NRXN1: variants seen among roughly 807,000 people sequenced by gnomAD.
NRXN1 encodes neurexin 1.
In NRXN1, 39 loss-of-function variants were observed where a neutral mutation model predicts 150.9. That is an observed-to-expected ratio of 0.26 (90% confidence interval 0.20 to 0.34). The LOEUF is 0.34. NRXN1 is among the 10% of genes least tolerant of loss of function. NRXN1 has a pLI of 1.00. For synonymous variants in NRXN1, 924 were observed against 757.0 expected, an observed-to-expected ratio of 1.22 and a Z score of -3.62; for missense variants, 1,815 against 1,949.9, an observed-to-expected ratio of 0.93 and a Z score of 1.30.
At chr2:50,938,931 G>T (rs907352608) in intron 2 of NRXN1, among the ~76,000 whole-genome samples, 1 of 152,026 alleles carries the variant, frequency 6.6e-6, no homozygotes, top group Non-Finnish European at 1.5e-5. Flanking sequence ...AAATGTAGGG[G>T]CTGAGCGCGG....
intron 12 of NRXN1, among the ~76,000 whole-genome samples, chr2:50,519,131 C>T (rs1311693000): frequency 1.3e-5 from 2 of 151,792 alleles, no homozygotes; most frequent in East Asian, 3.9e-4. Flanking sequence ...AATGATTGTT[C>T]AAATGAAGGC....
rs114126029 is a variant in NRXN1, at chr2:50,400,234, T to C, written c.3364+65208A>G. 8.8e-3 allele frequency among the ~76,000 whole-genome samples: 1,338 copies of C among 152,260 alleles called. 19 individuals carry two copies. Among genetic ancestry groups the C allele is most frequent in the African/African-American group, 0.031 (1,271 of 41,562 alleles). ...AAGCGATGTCGAGTTTCCTTTATAC[T>C]GACATATTTCCCATATTCCAATATG... is the stretch of plus-strand genomic sequence containing the variant. On this transcript the variant is annotated intron_variant, in intron 17 of 22. Transcript: ENST00000401669.
chr2:50,586,553 C>T (rs1388326507), intron 8 of NRXN1, among the ~76,000 whole-genome samples: 1 of 150,646 alleles, frequency 6.6e-6, no homozygotes, highest in Non-Finnish European at 1.5e-5. Context: ...TGGTGCAAGC[C>T]TTATTCAATA....
At chr2:50,862,264 T>C (rs905759825) in intron 5 of NRXN1, among the ~76,000 whole-genome samples, 19 of 151,718 alleles carry the variant, frequency 1.3e-4, no homozygotes, top group African/African-American at 4.6e-4. Context: ...TCAGGGAAGC[T>C]AAGCTTTGCA....
intron 18 of NRXN1, among the ~76,000 whole-genome samples, chr2:50,212,113 CA>C (rs1179492282): frequency 6.6e-6 from 1 of 151,206 alleles, no homozygotes; most frequent in Non-Finnish European, 1.5e-5. Context: ...AATTTAAAAG[CA>C]TGGGATTCAC....
At chr2:50,631,219 C>G (rs1023593344) in intron 5 of NRXN1, 13 of 397,062 alleles carry the variant, frequency 3.3e-5, no homozygotes, top group African/African-American at 2.5e-4. Context: ...TTCTCTTGTT[C>G]TGCAGCGAGT....
chr2:50,421,017 TG>T, intron 17 of NRXN1, among the ~76,000 whole-genome samples: 1 of 141,360 alleles, frequency 7.1e-6, no homozygotes, highest in Non-Finnish European at 1.5e-5. Context: ...TGTGTGTGTG[TG>T]TTTCACATTG....
intron 17 of NRXN1, among the ~76,000 whole-genome samples, chr2:50,460,938 C>T (rs2088138681): frequency 2.0e-5 from 3 of 151,934 alleles, no homozygotes; most frequent in African/African-American, 7.2e-5. Flanking sequence ...CTAAGTGACA[C>T]CAGCAGCAAA....
intron 5 of NRXN1, among the ~76,000 whole-genome samples, chr2:50,799,784 T>C (rs752938547): frequency 6.6e-6 from 1 of 152,154 alleles, no homozygotes; most frequent in Non-Finnish European, 1.5e-5. Flanking sequence ...CATTTTTCAC[T>C]GGGCTGTAAC....
At chr2:50,880,112 A>G (rs1679206499) in intron 5 of NRXN1, among the ~76,000 whole-genome samples, 1 of 151,950 alleles carries the variant, frequency 6.6e-6, no homozygotes. Context: ...CTGCAGAAAC[A>G]TTTGCTTTGA....
chr2:50,695,727 T>C (rs140702562), intron 5 of NRXN1, among the ~76,000 whole-genome samples: 1 of 152,308 alleles, frequency 6.6e-6, no homozygotes, highest in African/African-American at 2.4e-5. Flanking sequence ...GAGTTGAAGA[T>C]AAATGGTTAG....
chr2:50,633,034 A>C (rs1682617062), intron 5 of NRXN1: 1 of 152,022 alleles, frequency 6.6e-6, no homozygotes, highest in Non-Finnish European at 1.5e-5. Context: ...AGGGTGTATA[A>C]CTCCTGGTAT....
At chr2:50,406,947 C>T (rs971269860) in intron 17 of NRXN1, among the ~76,000 whole-genome samples, 2 of 152,074 alleles carry the variant, frequency 1.3e-5, no homozygotes, top group African/African-American at 4.8e-5. Flanking sequence ...AACAGAAAAA[C>T]CTCAACTCAC....
intron 17 of NRXN1, among the ~76,000 whole-genome samples, chr2:50,429,810 T>A (rs2084803005): frequency 6.6e-6 from 1 of 152,122 alleles, no homozygotes; most frequent in Non-Finnish European, 1.5e-5. Context: ...ACTTCTATTG[T>A]GGGCATAATG....
At chr2:49,945,355 T>C (rs1261597390) in intron 21 of NRXN1, 1 of 152,072 alleles carries the variant, frequency 6.6e-6, no homozygotes, top group East Asian at 1.9e-4. Flanking sequence ...AACTCCCCTT[T>C]CATTCCTGGT....
intron 19 of NRXN1, among the ~76,000 whole-genome samples, chr2:50,060,585 T>C (rs1314699025): frequency 2.6e-5 from 4 of 152,040 alleles, no homozygotes; most frequent in Admixed American, 2.6e-4. Flanking sequence ...TTTGGCTGTG[T>C]CCCCACCCAA....
chr2:50,985,400 A>C (rs1697531332), intron 2 of NRXN1: 1 of 151,896 alleles, frequency 6.6e-6, no homozygotes, highest in Non-Finnish European at 1.5e-5. Flanking sequence ...ACCATAACGG[A>C]ATCAGACTTA....
intron 17 of NRXN1, chr2:50,464,071 A>T (rs932737666): frequency 8.4e-6 from 1 of 119,662 alleles, no homozygotes; most frequent in Non-Finnish European, 1.7e-5. Context: ...TGCTATATGT[A>T]TATATATTTA....
chr2:50,337,004 A>G (rs2077228730), intron 17 of NRXN1, among the ~76,000 whole-genome samples: 1 of 152,240 alleles, frequency 6.6e-6, no homozygotes, highest in South Asian at 2.1e-4. Flanking sequence ...AGGAGAAACA[A>G]AATGCTCAGT....
Sources: allele counts gnomAD v4.1 joint callset (sites outside exome capture counted in the v4.1 genomes callset), GRCh38; gene constraint gnomAD v4.1.1; transcripts MANE v1.5; gene names NCBI Gene and HGNC (gene_info 2026-07-23, HGNC 2026-07-21).